SCFD2: variants seen among roughly 807,000 people sequenced by gnomAD.
SCFD2 encodes sec1 family domain containing 2, also known as sec1 family domain-containing protein 2.
A neutral mutation model predicts 58.9 loss-of-function variants in SCFD2; 54 were observed. That is an observed-to-expected ratio of 0.92 (90% confidence interval 0.74 to 1.15). SCFD2 has a LOEUF of 1.15. SCFD2 is among the 50% of genes most tolerant of loss of function. The pLI, the probability that SCFD2 is intolerant of heterozygous loss-of-function variation, is 0.00. For synonymous variants in SCFD2, 321 were observed against 335.9 expected (o/e 0.96, Z 0.49); for missense variants, 805 against 836.6 (o/e 0.96, Z 0.47).
chr4:53,115,831 A>T (rs750292719), intron 5 of SCFD2, among the ~76,000 whole-genome samples: 27 of 152,214 alleles, frequency 1.8e-4, no homozygotes, highest in Non-Finnish European at 3.1e-4. Flanking sequence ...TAACAATGCG[A>T]TGCCTGCTCC....
chr4:53,110,461 A>C (rs1226830875), intron 5 of SCFD2, among the ~76,000 whole-genome samples: 1 of 152,358 alleles, frequency 6.6e-6, no homozygotes, highest in East Asian at 1.9e-4. Flanking sequence ...GGCAACTTAC[A>C]CAATGGGAGA....
chr4:53,156,307 G>A (rs552061569), intron 4 of SCFD2, among the ~76,000 whole-genome samples: 1 of 151,298 alleles, frequency 6.6e-6, no homozygotes, highest in South Asian at 2.1e-4. Flanking sequence ...GCTGAGGCAG[G>A]AGAATTGCTT....
At chr4:53,247,280 G>T (rs1730117381) in intron 4 of SCFD2, among the ~76,000 whole-genome samples, 1 of 152,116 alleles carries the variant, frequency 6.6e-6, no homozygotes, top group Non-Finnish European at 1.5e-5. Flanking sequence ...TGCAGAAAAT[G>T]GAACACTTGT....
At chr4:53,095,793 C>T (rs1724606594) in intron 5 of SCFD2, among the ~76,000 whole-genome samples, 1 of 151,942 alleles carries the variant, frequency 6.6e-6, no homozygotes, top group Non-Finnish European at 1.5e-5. Flanking sequence ...CATATGTATA[C>T]ATGTGCCACG....
intron 4 of SCFD2, among the ~76,000 whole-genome samples, chr4:53,244,480 C>G (rs1470127771): frequency 6.6e-6 from 1 of 152,216 alleles, no homozygotes; most frequent in African/African-American, 2.4e-5. Flanking sequence ...AAACAACTTG[C>G]TCCTCAAAGA....
chr4:53,144,939 G>A (rs1035488080), intron 5 of SCFD2, among the ~76,000 whole-genome samples: 17 of 152,210 alleles, frequency 1.1e-4, no homozygotes, highest in South Asian at 2.1e-4. Flanking sequence ...GAGGTGTGCA[G>A]TGGGCAAGCA....
intron 4 of SCFD2, among the ~76,000 whole-genome samples, chr4:53,249,490 A>G (rs1730265227): frequency 2.0e-5 from 3 of 152,220 alleles, no homozygotes; most frequent in Admixed American, 2.0e-4. Context: ...GAGCAACTCC[A>G]AGACACATAA....
chr4:52,981,547 T>C (rs1721375200), intron 5 of SCFD2, among the ~76,000 whole-genome samples: 1 of 152,140 alleles, frequency 6.6e-6, no homozygotes, highest in Non-Finnish European at 1.5e-5. Flanking sequence ...TCAAGAGAAC[T>C]GCTATTTTTT....
chr4:52,949,667 G>C (rs1720536186), intron 5 of SCFD2: 1 of 152,208 alleles, frequency 6.6e-6, no homozygotes, highest in African/African-American at 2.4e-5. Context: ...GCAGTCTCTT[G>C]TGACCACGCT....
rs1190147341 is a variant in SCFD2 at position 52,902,123 on chromosome 4, G to C, written c.1842+5334C>G. On this transcript the variant is annotated intron_variant, in intron 7 of 8. Coordinates refer to ENST00000401642, the MANE Select transcript of SCFD2 (RefSeq NM_152540.4). ...GCACTGCTGAAGTGCTCCTGGGAGA[G>C]TTGGGGGCCTGAGTAGCTTGGGGCT... Among the ~76,000 whole-genome samples the C allele has an allele frequency of 2.0e-5, 3 of 152,214 alleles. No homozygotes were observed. The East Asian group carries it at 5.8e-4, about 29-fold the overall frequency.
intron 4 of SCFD2, among the ~76,000 whole-genome samples, chr4:53,207,311 T>TAAAAAAAAAAAAAAAAAAAAAA (rs755241030): frequency 9.1e-6 from 1 of 109,758 alleles, no homozygotes; most frequent in Non-Finnish European, 1.9e-5. Context: ...ACATTTTTGC[T>TAAAAAAAAAAAAAAAAAAAAAA]AAAAAAAAAA....
At chr4:53,082,225 C>T (rs550059825) in intron 5 of SCFD2, among the ~76,000 whole-genome samples, 31 of 152,204 alleles carry the variant, frequency 2.0e-4, no homozygotes, top group East Asian at 9.7e-4. Context: ...AATTGCTGGG[C>T]GTATGGCAAC....
intron 4 of SCFD2, among the ~76,000 whole-genome samples, chr4:53,164,553 G>A (rs528985433): frequency 6.6e-6 from 1 of 152,236 alleles, no homozygotes; most frequent in Non-Finnish European, 1.5e-5. Flanking sequence ...CAGCACTGTG[G>A]GAGGCCAAGG....
intron 5 of SCFD2, among the ~76,000 whole-genome samples, chr4:52,992,748 C>A (rs985787808): frequency 4.9e-4 from 75 of 152,002 alleles, no homozygotes; most frequent in African/African-American, 1.8e-3. Flanking sequence ...CCCCTCCGCC[C>A]GGCAGCCGCC....
At chr4:53,279,698 T>C (rs1340232374) in intron 3 of SCFD2, among the ~76,000 whole-genome samples, 6 of 152,316 alleles carry the variant, frequency 3.9e-5, no homozygotes, top group African/African-American at 1.4e-4. Flanking sequence ...TACCCGAGAC[T>C]GGACAATTTA....
chr4:52,916,625 G>C (rs189896382), intron 6 of SCFD2, among the ~76,000 whole-genome samples: 1 of 152,132 alleles, frequency 6.6e-6, no homozygotes, highest in African/African-American at 2.4e-5. Context: ...AGGCACAGTT[G>C]GGGGCTTAGG....
At chr4:53,128,512 A>G (rs1263393480) in intron 5 of SCFD2, among the ~76,000 whole-genome samples, 1 of 152,152 alleles carries the variant, frequency 6.6e-6, no homozygotes, top group Non-Finnish European at 1.5e-5. Flanking sequence ...CAGCCTCCCA[A>G]GGTGACCAGT....
At chr4:53,061,689 A>G (rs1342774688) in intron 5 of SCFD2, among the ~76,000 whole-genome samples, 10 of 152,118 alleles carry the variant, frequency 6.6e-5, no homozygotes, top group African/African-American at 2.4e-4. Flanking sequence ...ATTGGGAAAC[A>G]TCACCCTATG....
intron 5 of SCFD2, among the ~76,000 whole-genome samples, chr4:53,121,570 A>T (rs1725478918): frequency 6.6e-6 from 1 of 152,222 alleles, no homozygotes; most frequent in Middle Eastern, 3.2e-3. Context: ...AATTGGGAAC[A>T]TGCTGTTATG....
Sources: gnomAD v4.1 joint callset for allele counts (sites outside exome capture counted in the v4.1 genomes callset) on GRCh38, gnomAD v4.1.1 for gene constraint, MANE v1.5 for transcripts, NCBI Gene and HGNC (gene_info 2026-07-23, HGNC 2026-07-21) for gene names.